Variants in SRRM2 observed in about 807,000 individuals in gnomAD.
SRRM2 encodes the protein serine/arginine repetitive matrix protein 2.
In SRRM2, 30 loss-of-function variants were observed where a neutral mutation model predicts 213.8. The observed-to-expected ratio is 0.14, with a 90% CI of 0.10 to 0.19. The LOEUF is 0.19. Among genes scored for constraint, SRRM2 ranks in the 10% least tolerant of loss-of-function variants. The pLI, the probability that SRRM2 is intolerant of heterozygous loss-of-function variation, is 1.00. For missense variants in SRRM2, 4,904 were observed against 3,647.0 expected (o/e 1.34, Z -8.88); for synonymous variants, 2,025 against 1,377.7 (o/e 1.47, Z -10.40).
intron 12 of SRRM2, 62 bp from the exon 13 acceptor site, chr16:2,770,290 C>T: frequency 6.7e-7 from 1 of 1,499,604 alleles, no homozygotes; most frequent in Non-Finnish European, 9.0e-7. Flanking sequence ...GCGGGTGGTC[C>T]TGAGTGCTGG....
At position 2,770,103 on chromosome 16, in the gene SRRM2, TCAC is replaced by T; in HGVS notation, c.8022-245_8022-243del. On this transcript the variant is annotated intron_variant, in intron 12 of 14. Transcript: ENST00000301740. ...CACACGGGGCCGTGCGTGCCTTTCT[TCAC>T]CACTGAGCTCCTTCAAGGGCAGGGA... 5.7e-6 allele frequency: 8 copies of T among 1,393,888 alleles called. No individual in the cohort carries two copies. In the South Asian group the frequency reaches 9.2e-5, roughly 16 times the overall value. 86.3% of individuals were successfully genotyped at this position (1,393,888 alleles called of 1,614,324 possible). A position where few individuals can be genotyped will look rare whatever the true frequency, so the allele number is the denominator to read the frequency against.
chr16:2,768,989 T>A lies in SRRM2; in HGVS notation c.7734-8T>A. On this transcript the variant is annotated splice_polypyrimidine_tract_variant and splice_region_variant and intron_variant, in intron 11 of 14. Transcript: ENST00000301740. ...TTGTCTCCTTGTGACACTCCTCTCC[T>A]CCCACAGGGTCCCCAGCCCCACCCC... 1 of 1,612,372 alleles carries A rather than the reference T, an allele frequency of 6.2e-7. No homozygotes were observed. The highest frequency in any genetic ancestry group is 8.5e-7 in the Non-Finnish European group (1 of 1,179,200).
chr16:2,755,216 C>T (rs891971860), intron 1 of SRRM2, among the ~76,000 whole-genome samples: 1 of 152,126 alleles, frequency 6.6e-6, no homozygotes, highest in Non-Finnish European at 1.5e-5. Context: ...AAAGCTGGGA[C>T]TTGAGAATTT....
At position 2,760,506 on chromosome 16, in the gene SRRM2, TC is replaced by T; in HGVS notation, c.1032+9del. The T allele has an allele frequency of 1.2e-6, 2 of 1,614,116 alleles. No individual in the cohort carries two copies. The highest frequency in any genetic ancestry group is 1.3e-5 in the African/African-American group (1 of 75,054). On this transcript the variant is annotated splice_region_variant and intron_variant, in intron 10 of 14. Coordinates refer to ENST00000301740, the MANE Select transcript of SRRM2 (RefSeq NM_016333.4). ...AGATAAAGACAAGAAGGAGGTATGT[TC>T]CTGAGTTGGTGATGTTCATTGGATT...
Position 2,762,133 on chromosome 16 carries a change from G to A in SRRM2, c.1605G>A (p.Arg535=), listed in dbSNP as rs1257955194. The change falls in exon 11 of 15, where the codon AGG becomes AGA. Residue 535 remains arginine, a synonymous_variant. Transcript: ENST00000301740. Reference sequence around the variant, plus strand: ...GCCCCCAGCGACGTGGCCGCTCTAGGTCTCCTCAGCGACCAGGCTGGTCTA... The same window carrying A: ...GCCCCCAGCGACGTGGCCGCTCTAGATCTCCTCAGCGACCAGGCTGGTCTA... ...SRSPQRRGRS[R]SPQRPGWSRS... 1 of 1,613,390 alleles carries A rather than the reference G, an allele frequency of 6.2e-7. No individual in the cohort carries two copies. The highest frequency in any genetic ancestry group is 2.2e-5 in the East Asian group (1 of 44,762).
At chr16:2,768,921 C>A in intron 11 of SRRM2, 76 bp from the exon 12 acceptor site, 2 of 1,593,790 alleles carry the variant, frequency 1.3e-6, no homozygotes, top group East Asian at 2.3e-5. Flanking sequence ...CCCCCACTGC[C>A]GTTCCTCCAG....
chr16:2,765,276 C>T lies in SRRM2; in HGVS notation c.4748C>T (p.Pro1583Leu), dbSNP rs753398140. Residue 1583 changes from proline (P) to leucine (L), a missense_variant, in exon 11 of 15, where the codon CCA (proline) becomes CTA (leucine). Coordinates refer to ENST00000301740, the MANE Select transcript of SRRM2 (RefSeq NM_016333.4). ...CAGAGGAGTCGGTCTGGATCATCTC[C>T]AGAGGTTGACAGCAAATCTCGACTA... is the stretch of plus-strand genomic sequence containing the variant. ...LRQRSRSGSS[P>L]EVDSKSRLSP... The T allele has an allele frequency of 9.3e-6, 15 of 1,614,070 alleles. No homozygotes were observed. The East Asian group carries it at 2.9e-4, about 31-fold the overall frequency.
Position 2,770,358 on chromosome 16 carries a change from C to A in SRRM2, c.8028C>A (p.Arg2676=), listed in dbSNP as rs1215565677. The stretch of plus-strand genomic sequence containing the variant: ...GTCCTACTGTGTTCCCCAGGTCCCG[C>A]AGCCCCCGGAAGCCAATAGACTCCC... ...KKPPPGERRS[R]SPRKPIDSLR... The change falls in exon 13 of 15, where the codon CGC becomes CGA. Residue 2676 remains arginine (R), a synonymous_variant. Coordinates refer to ENST00000301740, the MANE Select transcript of SRRM2 (RefSeq NM_016333.4). The A allele has an allele frequency of 5.0e-6, 8 of 1,595,656 alleles. No homozygotes were observed. The highest frequency in any genetic ancestry group is 8.5e-7 in the Non-Finnish European group (1 of 1,171,214).
chr16:2,756,995 A>C (rs1269106106), intron 2 of SRRM2, among the ~76,000 whole-genome samples: 4 of 152,216 alleles, frequency 2.6e-5, no homozygotes, highest in Non-Finnish European at 5.9e-5. Flanking sequence ...GGCCTTGGAA[A>C]GTAGCATAGG....
Position 2,770,844 on chromosome 16 carries a change from A to G in SRRM2, c.8250-14A>G, listed in dbSNP as rs1225586579. ...GGGTGGGAACTCCCTGTTGACCCATATCTTCTCTTGCAGGTCTCCATAAAT... is the reference window on the plus strand; with the variant it reads ...GGGTGGGAACTCCCTGTTGACCCATGTCTTCTCTTGCAGGTCTCCATAAAT... On this transcript the variant is annotated splice_polypyrimidine_tract_variant and intron_variant, in intron 14 of 14. Coordinates refer to ENST00000301740, the MANE Select transcript of SRRM2 (RefSeq NM_016333.4). 2 of 1,613,960 alleles carry G rather than the reference A, an allele frequency of 1.2e-6. No homozygotes were observed. The highest frequency in any genetic ancestry group is 1.7e-5 in the Admixed American group (1 of 60,000).
In SRRM2 at chr16:2,770,993, A is replaced by G. The variant is rs1430224684; in HGVS notation, c.*126A>G. 1.8e-6 allele frequency: 2 copies of G among 1,092,916 alleles called. No homozygotes were observed. Among genetic ancestry groups the G allele is most frequent in the Admixed American group, 2.7e-5 (1 of 36,464 alleles). 67.7% of individuals were successfully genotyped at this position (1,092,916 alleles called of 1,614,324 possible). On this transcript the variant is annotated 3_prime_UTR_variant, in exon 15 of 15. Transcript: ENST00000301740. ...TTGAACCTTGGCAGCCCTTGGATGG[A>G]GGGCTCCCTTTCCCTCCCCTTTTTT...
At position 2,762,760 on chromosome 16, in the gene SRRM2, T is replaced by C; in HGVS notation, c.2232T>C (p.Asn744=). The change falls in exon 11 of 15, where the codon AAT becomes AAC. Residue 744 remains asparagine (N), a synonymous_variant. Transcript: ENST00000301740. The part of the protein sequence containing the change: ...SRTSQRRSRS[N]SSPEMKKSRI... ...CATCTCAAAGAAGAAGCAGGTCCAA[T>C]TCAAGCCCAGAAATGAAGAAATCTC... 1.2e-6 allele frequency: 2 copies of C among 1,614,096 alleles called. No individual in the cohort carries two copies. The highest frequency in any genetic ancestry group is 1.3e-5 in the African/African-American group (1 of 75,024).
Position 2,752,667 on chromosome 16 carries a change from G to T in SRRM2, c.-211G>T, listed in dbSNP as rs1038191934. The T allele has an allele frequency of 1.5e-5, 4 of 273,256 alleles. No individual in the cohort carries two copies. Among genetic ancestry groups the T allele is most frequent in the Middle Eastern group, 1.4e-3 (1 of 728 alleles). 16.9% of individuals were successfully genotyped at this position (273,256 alleles called of 1,614,324 possible). A position where few individuals can be genotyped will look rare whatever the true frequency, so the allele number is the denominator to read the frequency against. ...TGACGTGCAGCGCGGCCCAGGCGGG[G>T]TGCGAGTGGCGCAGTTGGAGCCCGT... On this transcript the variant is annotated 5_prime_UTR_variant, in exon 1 of 15. Transcript: ENST00000301740.
intron 11 of SRRM2, 86 bp downstream of exon 11, chr16:2,768,347 G>C (rs2150779997): frequency 1.4e-6 from 2 of 1,446,354 alleles, no homozygotes; most frequent in African/African-American, 1.4e-5. Flanking sequence ...CCATGTCACA[G>C]GTGCTTGGCT....
chr16:2,756,913 T>A (rs1427440866), intron 2 of SRRM2, among the ~76,000 whole-genome samples: 3 of 151,820 alleles, frequency 2.0e-5, no homozygotes, highest in African/African-American at 7.3e-5. Context: ...AGAGACCAGG[T>A]AGAGGAGCTA....
intron 2 of SRRM2, among the ~76,000 whole-genome samples, chr16:2,756,807 C>T (rs992940811): frequency 1.3e-5 from 2 of 151,856 alleles, no homozygotes; most frequent in African/African-American, 4.8e-5. Flanking sequence ...GTGTCTGGGG[C>T]ATAGATGGGA....
chr16:2,765,895 T>C lies in SRRM2; in HGVS notation c.5367T>C (p.Asp1789=). 6.2e-7 allele frequency: 1 copy of C among 1,614,142 alleles called. No individual in the cohort carries two copies. Among genetic ancestry groups the C allele is most frequent in the Non-Finnish European group, 8.5e-7 (1 of 1,180,026 alleles). ...REKTRTTRRR[D]RSGSSQSTSR... ...AAACAAGAACAACCCGACGTCGAGA[T>C]AGGTCTGGATCTTCTCAGTCAACCT... The change falls in exon 11 of 15, where the codon GAT becomes GAC. Residue 1789 remains aspartate, a synonymous_variant. Transcript: ENST00000301740.
intron 12 of SRRM2, chr16:2,770,093 G>A (rs1241690075): frequency 7.4e-6 from 10 of 1,352,964 alleles, no homozygotes; most frequent in Middle Eastern, 2.7e-4. Flanking sequence ...GGGGCCGTGC[G>A]TGCCTTTCTT....
rs760153809 is a variant in SRRM2, at chr16:2,766,575, G to A, written c.6047G>A (p.Arg2016His). Residue 2016 changes from arginine to histidine, a missense_variant, in exon 11 of 15, where the codon CGC becomes CAC. Physicochemically the swap from Arg to His is conservative, Grantham distance 29. Transcript: ENST00000301740. This position sits in a 1 kb window ranked among gnomAD's most constrained non-coding sequence, Gnocchi z 7.0. ...SRSRTSPVTRRRSRSRTPPAI... is the reference protein window; with the variant it reads ...SRSRTSPVTRHRSRSRTPPAI... The stretch of plus-strand genomic sequence containing the variant: ...TCTCGAACCTCACCAGTGACACGCC[G>A]CCGCTCTAGGTCCCGGACACCTCCA... 33 of 1,614,086 alleles carry A rather than the reference G, an allele frequency of 2.0e-5. No homozygotes were observed. The highest frequency in any genetic ancestry group is 1.0e-4 in the Admixed American group (6 of 59,996).
Sources: gnomAD v4.1 joint callset for allele counts (sites outside exome capture counted in the v4.1 genomes callset) on GRCh38, gnomAD v4.1.1 for gene constraint, Gnocchi (gnomAD v3.1) non-coding constraint, MANE v1.5 for transcripts, NCBI Gene and HGNC (gene_info 2026-07-23, HGNC 2026-07-21) for gene names.